The following BCL11B variants were observed in gnomAD, a reference collection of about 807,000 sequenced individuals.
The protein encoded by BCL11B is B-cell lymphoma/leukemia 11B.
Under a neutral mutation model 49.9 loss-of-function variants are expected in BCL11B, and 8 were observed. The observed-to-expected ratio is 0.16, with a 90% CI of 0.09 to 0.29. The LOEUF (loss-of-function observed/expected upper bound fraction) is 0.29. BCL11B is among the 10% of genes least tolerant of loss of function. The probability of loss-of-function intolerance (pLI) is 1.00; values close to 1 mark genes in which losing one functional copy is unlikely to be tolerated. For missense variants in BCL11B, 1,006 were observed against 1,351.0 expected (o/e 0.74, Z 4.00); for synonymous variants, 739 against 637.4 (o/e 1.16, Z -2.40).
Position 99,197,757 on chromosome 14 carries a change from G to A in BCL11B, c.641-21562C>T, listed in dbSNP as rs376992445. On this transcript the variant is annotated intron_variant, in intron 3 of 3. Coordinates refer to ENST00000357195, the MANE Select transcript of BCL11B (RefSeq NM_138576.4). ...AACGAAGCAGACAGACGGCTGGAGCGGAGACTCAGAGACGGAGGCCATCAA... is the reference window on the plus strand; with the variant it reads ...AACGAAGCAGACAGACGGCTGGAGCAGAGACTCAGAGACGGAGGCCATCAA... Among the ~76,000 whole-genome samples the A allele has an allele frequency of 4.7e-4, 71 of 152,270 alleles. 1 individual carries two copies. Among genetic ancestry groups the A allele is most frequent in the African/African-American group, 1.5e-3 (64 of 41,554 alleles).
intron 2 of BCL11B, among the ~76,000 whole-genome samples, chr14:99,255,819 C>T (rs1889147157): frequency 6.6e-6 from 1 of 152,240 alleles, no homozygotes; most frequent in Non-Finnish European, 1.5e-5. Flanking sequence ...GCACATAGCA[C>T]TCTGAGAAGC....
At position 99,232,036 on chromosome 14, in the gene BCL11B, T is replaced by C. The variant is rs925274084; in HGVS notation, c.428-479A>G. On this transcript the variant is annotated intron_variant, in intron 2 of 3. Coordinates refer to ENST00000357195, the MANE Select transcript of BCL11B (RefSeq NM_138576.4). This position sits in a 1 kb window ranked among gnomAD's most constrained non-coding sequence, Gnocchi z 5.1. ...GCTGTTCCTACAGGCCCGGGACACCTTGGGTCCGCCTCCAGCCTTGGGTCC... is the reference window on the plus strand; with the variant it reads ...GCTGTTCCTACAGGCCCGGGACACCCTGGGTCCGCCTCCAGCCTTGGGTCC... 3.3e-5 allele frequency among the ~76,000 whole-genome samples: 5 copies of C among 152,114 alleles called. No homozygotes were observed. Among genetic ancestry groups the C allele is most frequent in the African/African-American group, 4.8e-5 (2 of 41,430 alleles).
chr14:99,189,934 T>A (rs942324568), intron 3 of BCL11B, among the ~76,000 whole-genome samples: 4 of 152,098 alleles, frequency 2.6e-5, no homozygotes, highest in African/African-American at 9.7e-5. Context: ...GAATTCCAAG[T>A]GGCAGGAGCA....
rs139585400 is a variant in BCL11B at position 99,231,442 on chromosome 14, G to A, written c.543C>T (p.Leu181=). 2,516 of 1,597,390 alleles carry A rather than the reference G, an allele frequency of 1.6e-3. 3 individuals are homozygous for A. Among genetic ancestry groups the A allele is most frequent in the Non-Finnish European group, 2.1e-3 (2,431 of 1,171,512 alleles). ...LRALGALPPC[L]PLPCCSARPV... is the part of the protein sequence containing the mutation. ...GGCGCGCGCTGCAGCACGGCAGGGG[G>A]AGGCAGGGCGGGAGAGCGCCCAGGG... Residue 181 remains leucine, a synonymous_variant, in exon 3 of 4, where the codon CTC becomes CTT. Transcript: ENST00000357195. This position sits in a 1 kb window ranked among gnomAD's most constrained non-coding sequence, Gnocchi z 8.1.
rs1381688556 is a variant in BCL11B at position 99,262,008 on chromosome 14, G to A, written c.59-4169C>T. 3.3e-5 allele frequency among the ~76,000 whole-genome samples: 5 copies of A among 152,312 alleles called. No homozygotes were observed. The highest frequency in any genetic ancestry group is 1.9e-4 in the East Asian group (1 of 5,182). Reference sequence around the variant, plus strand: ...GCAATCACAAATAATAATGGACATCGTTGTTAAGTGAAAGGGGAAGCACTT... The same window carrying A: ...GCAATCACAAATAATAATGGACATCATTGTTAAGTGAAAGGGGAAGCACTT... On this transcript the variant is annotated intron_variant, in intron 1 of 3. Coordinates refer to ENST00000357195, the MANE Select transcript of BCL11B (RefSeq NM_138576.4). The surrounding 1 kb of genome is among the most constrained non-coding windows in gnomAD (Gnocchi z 4.2).
chr14:99,240,380 T>C (rs1888626650), intron 2 of BCL11B, among the ~76,000 whole-genome samples: 1 of 150,194 alleles, frequency 6.7e-6, no homozygotes, highest in African/African-American at 2.5e-5. Context: ...CTCCCTTTCA[T>C]TTTTTTTCCT....
rs1887741644 is a variant in BCL11B at position 99,213,384 on chromosome 14, T to C, written c.640+17961A>G. Among the ~76,000 whole-genome samples, 1 of 152,116 alleles carries C rather than the reference T, an allele frequency of 6.6e-6. No individual in the cohort carries two copies. Among genetic ancestry groups the C allele is most frequent in the Non-Finnish European group, 1.5e-5 (1 of 68,020 alleles). On this transcript the variant is annotated intron_variant, in intron 3 of 3. Transcript: ENST00000357195. This position sits in a 1 kb window ranked among gnomAD's most constrained non-coding sequence, Gnocchi z 5.1. ...CGGCACGTTATTCAGCAATGAGGTA[T>C]AATTGAATGGATTAACATGAATGCG...
At position 99,169,696 on chromosome 14, in the gene BCL11B, C is replaced by G. The variant is rs539496568; in HGVS notation, c.*4455G>C. On this transcript the variant is annotated 3_prime_UTR_variant, in exon 4 of 4. Transcript: ENST00000357195. ...ATGCAAACAACTTAAATCAATGGGA[C>G]TTTGCTTTGCAGGGCTGAGTTACAA... 9.1e-6 allele frequency: 2 copies of G among 220,866 alleles called. No homozygotes were observed. Among genetic ancestry groups the G allele is most frequent in the Non-Finnish European group, 1.8e-5 (2 of 110,006 alleles). 13.7% of individuals were successfully genotyped at this position (220,866 alleles called of 1,614,324 possible). A position where few individuals can be genotyped will look rare whatever the true frequency, so the allele number is the denominator to read the frequency against.
chr14:99,252,566 G>C (rs1396469082), intron 2 of BCL11B, among the ~76,000 whole-genome samples: 1 of 152,200 alleles, frequency 6.6e-6, no homozygotes, highest in African/African-American at 2.4e-5. Context: ...CCTGCTAAGA[G>C]AATCTCCCAG....
rs1595066508 is a variant in BCL11B at position 99,241,660 on chromosome 14, T to C, written c.428-10103A>G. Among the ~76,000 whole-genome samples the C allele has an allele frequency of 6.6e-6, 1 of 152,238 alleles. No homozygotes were observed. Among genetic ancestry groups the C allele is most frequent in the Non-Finnish European group, 1.5e-5 (1 of 68,006 alleles). ...ACCTGCTTGCTACGTGTCCCTGTGCTGTAGGGGGGACGATGTCGCTTTTTT... is the reference window on the plus strand; with the variant it reads ...ACCTGCTTGCTACGTGTCCCTGTGCCGTAGGGGGGACGATGTCGCTTTTTT... On this transcript the variant is annotated intron_variant, in intron 2 of 3. Coordinates refer to ENST00000357195, the MANE Select transcript of BCL11B (RefSeq NM_138576.4). The surrounding 1 kb of genome is among the most constrained non-coding windows in gnomAD (Gnocchi z 4.4).
chr14:99,177,857 T>G (rs1437882983), intron 3 of BCL11B, among the ~76,000 whole-genome samples: 1 of 152,114 alleles, frequency 6.6e-6, no homozygotes, highest in African/African-American at 2.4e-5. Context: ...ACTAATTATG[T>G]TTCTGGAAGG....
At chr14:99,199,685 CGCGCGCGCGCGCACGT>C (rs1372388044) in intron 3 of BCL11B, among the ~76,000 whole-genome samples, 20 of 58,932 alleles carry the variant, frequency 3.4e-4, no homozygotes, top group Admixed American at 2.2e-3. Context: ...TGTGTGTGTG[CGCGCGCGCGCGCACGT>C]GCACGTGTGT....
At chr14:99,206,610 C>A (rs1021158097) in intron 3 of BCL11B, among the ~76,000 whole-genome samples, 7 of 152,168 alleles carry the variant, frequency 4.6e-5, no homozygotes, top group Admixed American at 2.6e-4. Flanking sequence ...GTGGTAGTAT[C>A]GCAGTGCTTG....
chr14:99,174,095 T>C lies in BCL11B; in HGVS notation c.*56A>G. 1 of 1,557,986 alleles carries C rather than the reference T, an allele frequency of 6.4e-7. No homozygotes were observed. Among genetic ancestry groups the C allele is most frequent in the Non-Finnish European group, 8.7e-7 (1 of 1,146,166 alleles). On this transcript the variant is annotated 3_prime_UTR_variant, in exon 4 of 4. Coordinates refer to ENST00000357195, the MANE Select transcript of BCL11B (RefSeq NM_138576.4). ...ACACGGAGGCAAGTCAGGTCAGCAT[T>C]CTCTCGGTTGGCAACGGTTCCACTG...
rs1566820114 is a variant in BCL11B, at chr14:99,229,051, G to GATGGATGA, written c.640+2293_640+2294insTCATCCAT. Among the ~76,000 whole-genome samples the GATGGATGA allele has an allele frequency of 1.0e-4, 9 of 88,450 alleles. No homozygotes were observed. The East Asian group carries it at 2.9e-3, about 28-fold the overall frequency. The allele number at this position is 88,450 out of a possible 152,430, so 58.0% of individuals were successfully genotyped here. A position where few individuals can be genotyped will look rare whatever the true frequency, so the allele number is the denominator to read the frequency against. ...GGATGGATGGATGGATGCATGGATGGATGGATGGATGGATGGATGGATGGA... is the reference window on the plus strand; with the variant it reads ...GGATGGATGGATGGATGCATGGATGGATGGATGAATGGATGGATGGATGGATGGATGGA... On this transcript the variant is annotated intron_variant, in intron 3 of 3. Coordinates refer to ENST00000357195, the MANE Select transcript of BCL11B (RefSeq NM_138576.4).
intron 3 of BCL11B, among the ~76,000 whole-genome samples, chr14:99,229,003 A>AATGGAGGGATGGATGGATGG (rs1555381656): frequency 9.3e-6 from 1 of 107,538 alleles, no homozygotes; most frequent in African/African-American, 3.5e-5. Flanking sequence ...TACATGGATG[A>AATGGAGGGATGGATGGATGG]ATGGATGGAT....
At chr14:99,190,236 C>G (rs1363300371) in intron 3 of BCL11B, among the ~76,000 whole-genome samples, 1 of 152,236 alleles carries the variant, frequency 6.6e-6, no homozygotes, top group African/African-American at 2.4e-5. Context: ...CGCCTGTAAT[C>G]CCAGCACTTT....
At chr14:99,185,533 G>T (rs573077377) in intron 3 of BCL11B, among the ~76,000 whole-genome samples, 2 of 151,542 alleles carry the variant, frequency 1.3e-5, no homozygotes, top group South Asian at 4.2e-4. Flanking sequence ...GGAAAGGTCC[G>T]CAAGGTAGGG....
Position 99,169,559 on chromosome 14 carries a change from TAATA to T in BCL11B, c.*4588_*4591del. On this transcript the variant is annotated 3_prime_UTR_variant, in exon 4 of 4. Coordinates refer to ENST00000357195, the MANE Select transcript of BCL11B (RefSeq NM_138576.4). ...TAAACAGAGCACAAATACCAAGCAATAATAAATAGTTCCAAACTTGTAGTAAAAG... is the reference window on the plus strand; with the variant it reads ...TAAACAGAGCACAAATACCAAGCAATAATAGTTCCAAACTTGTAGTAAAAG... 1 of 206,502 alleles carries T rather than the reference TAATA, an allele frequency of 4.8e-6. No individual in the cohort carries two copies. Among genetic ancestry groups the T allele is most frequent in the East Asian group, 7.5e-5 (1 of 13,392 alleles). 12.8% of individuals were successfully genotyped at this position (206,502 alleles called of 1,614,324 possible).
Sources: gnomAD v4.1 joint callset for allele counts (sites outside exome capture counted in the v4.1 genomes callset) on GRCh38, gnomAD v4.1.1 for gene constraint, Gnocchi (gnomAD v3.1) non-coding constraint, MANE v1.5 for transcripts, NCBI Gene and HGNC (gene_info 2026-07-23, HGNC 2026-07-21) for gene names.